MYH13: variants seen among roughly 807,000 people sequenced by gnomAD.
MYH13 encodes myosin heavy chain 13.
MYH13 carries 177 observed loss-of-function variants against 232.1 expected under a neutral mutation model. That is an observed-to-expected ratio of 0.76 (90% CI 0.67 to 0.86). The LOEUF (loss-of-function observed/expected upper bound fraction) is 0.86, where lower values mean the gene tolerates loss of function less well. MYH13 is among the 40% of genes least tolerant of loss of function. The pLI is 0.00. For missense variants in MYH13, 2,246 were observed against 2,405.9 expected, an observed-to-expected ratio of 0.93 and a Z score of 1.39; for synonymous variants, 884 against 923.5, an observed-to-expected ratio of 0.96 and a Z score of 0.78.
chr17:10,303,553 A>C, intron 37 of MYH13, 55 bp from the exon 38 acceptor site: 52 of 1,465,854 alleles, frequency 3.5e-5, no homozygotes, highest in Middle Eastern at 1.7e-4. Flanking sequence ...GGCTTCTCTC[A>C]TGGACTCATG....
intron 27 of MYH13, among the ~76,000 whole-genome samples, chr17:10,316,586 T>C (rs984529404): frequency 6.6e-6 from 1 of 152,254 alleles, no homozygotes; most frequent in African/African-American, 2.4e-5. Flanking sequence ...CACTTTTAAG[T>C]GGATCTTTGG....
chr17:10,301,013 G>T (rs1183927339), intron 40 of MYH13, 48 bp from the exon 41 acceptor site: 3 of 1,541,432 alleles, frequency 1.9e-6, no homozygotes, highest in South Asian at 2.3e-5. Flanking sequence ...TCAACTAAAT[G>T]GGAGACTGAA....
At chr17:10,353,440 A>G (rs1432990607) in intron 11 of MYH13, among the ~76,000 whole-genome samples, 3 of 152,236 alleles carry the variant, frequency 2.0e-5, no homozygotes, top group Admixed American at 6.5e-5. Flanking sequence ...GATGATGGAC[A>G]AGACCCCTTT....
At position 10,360,156 on chromosome 17, in the gene MYH13, C is replaced by T; in HGVS notation, c.533+5G>A. 1 of 1,614,076 alleles carries T rather than the reference C, an allele frequency of 6.2e-7. No homozygotes were observed. The highest frequency in any genetic ancestry group is 8.5e-7 in the Non-Finnish European group (1 of 1,179,948). The stretch of plus-strand genomic sequence containing the variant: ...GTCATGATGGTACAAAGAGGTGTTA[C>T]TCACGTGATGAGGATAGACTGGTTG... On this transcript the variant is annotated splice_donor_5th_base_variant and intron_variant, in intron 6 of 40. Coordinates refer to ENST00000252172, the MANE Select transcript of MYH13 (RefSeq NM_003802.3).
In MYH13 at chr17:10,315,972, T is replaced by C; in HGVS notation, c.3792A>G (p.Lys1264=). ...RTVEDQFSEI[K]AKDEQQTQLI... is the part of the protein sequence containing the mutation. The stretch of plus-strand genomic sequence containing the variant: ...ACTGTGTCTGTTGCTCGTCCTTGGC[T>C]TTGATTTCACTAAATTGATCTTCTA... The change falls in exon 28 of 41, where the codon AAA becomes AAG. Residue 1264 remains lysine (K), a synonymous_variant. Coordinates refer to ENST00000252172, the MANE Select transcript of MYH13 (RefSeq NM_003802.3). 1.2e-6 allele frequency: 2 copies of C among 1,614,058 alleles called. No homozygotes were observed. The highest frequency in any genetic ancestry group is 1.7e-6 in the Non-Finnish European group (2 of 1,179,902).
At chr17:10,309,899 C>G in intron 33 of MYH13, 69 bp from the exon 34 acceptor site, 1 of 1,353,620 alleles carries the variant, frequency 7.4e-7, no homozygotes, top group African/African-American at 1.5e-5. Flanking sequence ...ATTTTCATCC[C>G]CATACGATCA....
chr17:10,314,520 C>G (rs1040278133), intron 29 of MYH13, among the ~76,000 whole-genome samples: 4 of 152,200 alleles, frequency 2.6e-5, no homozygotes, highest in Non-Finnish European at 5.9e-5. Context: ...AGTGGCTCTT[C>G]TCAGTACTTG....
At chr17:10,323,759 T>C (rs1432371536) in intron 23 of MYH13, among the ~76,000 whole-genome samples, 1 of 51,474 alleles carries the variant, frequency 1.9e-5, no homozygotes, top group East Asian at 7.4e-4. Context: ...CAAGACTCCA[T>C]CTCACAAAAA....
chr17:10,366,385 T>TG (rs1374679225), intron 2 of MYH13, among the ~76,000 whole-genome samples: 1 of 145,666 alleles, frequency 6.9e-6, no homozygotes, highest in East Asian at 1.9e-4. Context: ...AAATCTGTTT[T>TG]TTTTTTTTTT....
chr17:10,313,604 A>G (rs1030534372), intron 29 of MYH13, among the ~76,000 whole-genome samples: 2 of 152,208 alleles, frequency 1.3e-5, no homozygotes, highest in Non-Finnish European at 2.9e-5. Context: ...ATTTGCCATA[A>G]ACAGAAGGTA....
In MYH13 at chr17:10,321,724, C is replaced by T. The variant is rs768739273; in HGVS notation, c.2935-16G>A. The T allele has an allele frequency of 6.3e-7, 1 of 1,596,662 alleles. No homozygotes were observed. The highest frequency in any genetic ancestry group is 8.5e-7 in the Non-Finnish European group (1 of 1,169,978). Reference sequence around the variant, plus strand: ...GATTCTTTACCTGGGACAATATTAACACCGATTTAATATGGAAACGATTAT... The same window carrying T: ...GATTCTTTACCTGGGACAATATTAATACCGATTTAATATGGAAACGATTAT... On this transcript the variant is annotated splice_polypyrimidine_tract_variant and intron_variant, in intron 23 of 40. Coordinates refer to ENST00000252172, the MANE Select transcript of MYH13 (RefSeq NM_003802.3).
At chr17:10,340,073 C>T in intron 18 of MYH13, 77 bp downstream of exon 18, 1 of 1,272,654 alleles carries the variant, frequency 7.9e-7, no homozygotes, top group Non-Finnish European at 1.1e-6. Flanking sequence ...TTTCCAAACG[C>T]ACACCCACAG....
chr17:10,322,941 C>T (rs1173975930), intron 23 of MYH13, among the ~76,000 whole-genome samples: 3 of 152,094 alleles, frequency 2.0e-5, no homozygotes, highest in African/African-American at 7.2e-5. Context: ...CCCTATATTT[C>T]ATTTTCTTAC....
chr17:10,365,415 C>A (rs2071826431), intron 2 of MYH13, among the ~76,000 whole-genome samples: 1 of 152,192 alleles, frequency 6.6e-6, no homozygotes, highest in African/African-American at 2.4e-5. Context: ...ATGCCAGAAT[C>A]CCCTTGAGGG....
At position 10,313,290 on chromosome 17, in the gene MYH13, T is replaced by A; in HGVS notation, c.4049A>T (p.Gln1350Leu). ...SRHDCDLLRE[Q>L]YEEEQEAKAE... ...CTTGGCTTCCTGCTCCTCCTCATACTGTTCCCGCAGCAGGTCACAGTCGTG... is the reference window on the plus strand; with the variant it reads ...CTTGGCTTCCTGCTCCTCCTCATACAGTTCCCGCAGCAGGTCACAGTCGTG... Residue 1350 changes from glutamine (Q) to leucine (L), a missense_variant, in exon 30 of 41, where the codon CAG (glutamine) becomes CTG (leucine). Gln to Leu is a moderately radical substitution (Grantham distance 113). Transcript: ENST00000252172. 1 of 1,614,262 alleles carries A rather than the reference T, an allele frequency of 6.2e-7. No individual in the cohort carries two copies. The highest frequency in any genetic ancestry group is 1.1e-5 in the South Asian group (1 of 91,090).
chr17:10,369,257 T>C (rs2071861350), intron 2 of MYH13, among the ~76,000 whole-genome samples: 1 of 152,168 alleles, frequency 6.6e-6, no homozygotes, highest in African/African-American at 2.4e-5. Context: ...TATAAAAAAA[T>C]CAGAATTGAT....
chr17:10,311,460 T>C (rs971032699), intron 32 of MYH13, among the ~76,000 whole-genome samples: 9 of 152,130 alleles, frequency 5.9e-5, no homozygotes, highest in African/African-American at 2.2e-4. Context: ...AAGTACCATA[T>C]ACAAAACGGT....
chr17:10,324,318 A>G, intron 22 of MYH13, 54 bp from the exon 23 acceptor site: 1 of 1,602,390 alleles, frequency 6.2e-7, no homozygotes. Flanking sequence ...AAATGCTACA[A>G]AGAAAGGGTA....
intron 23 of MYH13, 124 bp downstream of exon 23, chr17:10,323,898 C>T (rs560200848): frequency 9.8e-5 from 130 of 1,323,984 alleles, no homozygotes; most frequent in South Asian, 9.1e-4. Flanking sequence ...TTCACCTTGA[C>T]GCCAGCCTCT....
Sources: gnomAD v4.1 joint callset for allele counts (sites outside exome capture counted in the v4.1 genomes callset) on GRCh38, gnomAD v4.1.1 for gene constraint, MANE v1.5 for transcripts, NCBI Gene and HGNC (gene_info 2026-07-23, HGNC 2026-07-21) for gene names.